The following CRADD variants were observed in gnomAD, a reference collection of about 807,000 sequenced individuals.
The protein encoded by CRADD is death domain-containing protein CRADD.
A neutral mutation model predicts 15.5 loss-of-function variants in CRADD; 9 were observed. The ratio of observed to expected loss-of-function variants is 0.58; its 90% CI spans 0.35 to 1.01. The LOEUF is 1.01. Among genes scored for constraint, CRADD ranks in the 50% least tolerant of loss-of-function variants. The probability of loss-of-function intolerance (pLI) is 0.02; values close to 1 mark genes in which losing one functional copy is unlikely to be tolerated. For missense variants in CRADD, 227 were observed against 250.3 expected (o/e 0.91, Z 0.63); for synonymous variants, 118 against 107.6 (o/e 1.10, Z -0.60).
At chr12:93,791,892 T>C (rs897494796) in intron 2 of CRADD, among the ~76,000 whole-genome samples, 1 of 112,226 alleles carries the variant, frequency 8.9e-6, no homozygotes, top group Non-Finnish European at 1.7e-5. Context: ...ATAGTCCTAA[T>C]GGATTTTTTT....
chr12:93,829,689 T>TTTG (rs3029435), intron 2 of CRADD, among the ~76,000 whole-genome samples: 29,665 of 151,532 alleles, frequency 0.2, 3,790 homozygotes, highest in Non-Finnish European at 0.29. Context: ...GTTTTGGTTT[T>TTTG]TTGTTGTTGT....
At chr12:93,779,761 T>G (rs928473420) in intron 2 of CRADD, among the ~76,000 whole-genome samples, 1 of 152,050 alleles carries the variant, frequency 6.6e-6, no homozygotes, top group Non-Finnish European at 1.5e-5. Context: ...GGCTAATTTT[T>G]GTATTTTTTG....
chr12:93,797,328 C>CA (rs1310921713), intron 2 of CRADD, among the ~76,000 whole-genome samples: 1 of 152,148 alleles, frequency 6.6e-6, no homozygotes, highest in Non-Finnish European at 1.5e-5. Flanking sequence ...TCATGGTCTC[C>CA]AGACTTTTCT....
At chr12:93,724,542 T>TA (rs1956320287) in intron 2 of CRADD, among the ~76,000 whole-genome samples, 1 of 152,212 alleles carries the variant, frequency 6.6e-6, no homozygotes, top group Non-Finnish European at 1.5e-5. Context: ...TTTTACTTGT[T>TA]AGGATGGAGT....
chr12:93,853,674 A>G (rs970117773), downstream of CRADD, among the ~76,000 whole-genome samples: 3 of 152,220 alleles, frequency 2.0e-5, no homozygotes, highest in Admixed American at 6.5e-5. Context: ...TCTTCCTAAC[A>G]GCAAGATGGC....
intron 1 of CRADD, among the ~76,000 whole-genome samples, chr12:93,678,566 T>G (rs1955210387): frequency 6.6e-6 from 1 of 152,200 alleles, no homozygotes; most frequent in Non-Finnish European, 1.5e-5. Context: ...AAAAGATGAT[T>G]CATCTTCATT....
Position 93,721,053 on chromosome 12 carries a change from A to G in CRADD, c.298+41981A>G, listed in dbSNP as rs376580699. ...ATTATTTAGTATTAAATCATTTTAC[A>G]TTATTCCATTTTCTCTTTTGTAACA... On this transcript the variant is annotated intron_variant, in intron 2 of 2. Transcript: ENST00000332896. Among the ~76,000 whole-genome samples the G allele has an allele frequency of 8.5e-4, 129 of 152,148 alleles. 1 individual carries two copies. The highest frequency in any genetic ancestry group is 2.6e-3 in the African/African-American group (109 of 41,496).
At chr12:93,851,072 T>C (rs964252018), downstream of CRADD, among the ~76,000 whole-genome samples, 1 of 152,222 alleles carries the variant, frequency 6.6e-6, no homozygotes, top group East Asian at 1.9e-4. Context: ...GTGTGGTCTT[T>C]CCATTGAAGC....
At chr12:93,719,828 CT>C (rs1956227645) in intron 2 of CRADD, among the ~76,000 whole-genome samples, 1 of 151,970 alleles carries the variant, frequency 6.6e-6, no homozygotes, top group African/African-American at 2.4e-5. Flanking sequence ...ATTCTGTCTC[CT>C]TTTTTCTTAG....
intron 2 of CRADD, among the ~76,000 whole-genome samples, chr12:93,681,558 G>A (rs1286996663): frequency 6.6e-6 from 1 of 152,054 alleles, no homozygotes; most frequent in East Asian, 1.9e-4. Context: ...AAAAAGACTT[G>A]TATTTATTAA....
intron 2 of CRADD, among the ~76,000 whole-genome samples, chr12:93,833,291 A>G (rs762919437): frequency 1.3e-5 from 2 of 152,194 alleles, no homozygotes; most frequent in African/African-American, 2.4e-5. Context: ...ATGGAGAGAT[A>G]GATATGCTTT....
intron 2 of CRADD, among the ~76,000 whole-genome samples, chr12:93,883,270 T>C (rs952292508): frequency 6.6e-5 from 10 of 152,248 alleles, no homozygotes; most frequent in Non-Finnish European, 1.3e-4. Flanking sequence ...TGTGGACTTA[T>C]TCAGCAACCT....
chr12:93,760,123 TGGAA>T (rs1020051275), intron 2 of CRADD, among the ~76,000 whole-genome samples: 1 of 151,842 alleles, frequency 6.6e-6, no homozygotes, highest in African/African-American at 2.4e-5. Context: ...TCAGCTGAAA[TGGAA>T]GGAAGAAAGT....
intron 2 of CRADD, among the ~76,000 whole-genome samples, chr12:93,727,559 G>A (rs147473115): frequency 1.2e-3 from 181 of 152,306 alleles, no homozygotes; most frequent in African/African-American, 4.2e-3. Context: ...AGCACTTTAT[G>A]GGCTTTAAGG....
In CRADD at chr12:93,842,267, C is replaced by G. The variant is rs150952516; in HGVS notation, c.299-7703C>G. ...CCAGACAGGACCCTGGGCCTGTGGA[C>G]TGTCCTTCACTCACAGAACCCACAT... On this transcript the variant is annotated intron_variant, in intron 2 of 2. Transcript: ENST00000332896. Among the ~76,000 whole-genome samples, 71 of 152,298 alleles carry G rather than the reference C, an allele frequency of 4.7e-4. No homozygotes were observed. The East Asian group carries it at 9.8e-3, about 21-fold the overall frequency.
intron 2 of CRADD, among the ~76,000 whole-genome samples, chr12:93,845,803 C>G (rs901575218): frequency 2.0e-5 from 3 of 152,072 alleles, no homozygotes; most frequent in Non-Finnish European, 4.4e-5. Flanking sequence ...ATGTACATAA[C>G]ATAGAATTTG....
intron 2 of CRADD, among the ~76,000 whole-genome samples, chr12:93,742,891 AG>A (rs539513583): frequency 6.6e-4 from 100 of 152,212 alleles, no homozygotes; most frequent in African/African-American, 2.0e-3. Flanking sequence ...CCTTATCAGG[AG>A]GGGGGTCAGG....
intron 2 of CRADD, among the ~76,000 whole-genome samples, chr12:93,724,962 G>A (rs188291134): frequency 1.6e-3 from 243 of 152,152 alleles, no homozygotes; most frequent in African/African-American, 4.8e-3. Flanking sequence ...CCGGGTTCAC[G>A]CCATTCTCCT....
intron 2 of CRADD, among the ~76,000 whole-genome samples, chr12:93,770,149 G>A (rs1164984520): frequency 6.9e-6 from 1 of 144,498 alleles, no homozygotes; most frequent in Non-Finnish European, 1.5e-5. Flanking sequence ...AGGTGGGAGT[G>A]CAGTGGCGCA....
Sources: gnomAD v4.1 joint callset for allele counts (sites outside exome capture counted in the v4.1 genomes callset) on GRCh38, gnomAD v4.1.1 for gene constraint, MANE v1.5 for transcripts, NCBI Gene and HGNC (gene_info 2026-07-23, HGNC 2026-07-21) for gene names.